The following ESRRG variants were observed in gnomAD, a reference collection of about 807,000 sequenced individuals.
ESRRG encodes estrogen related receptor gamma.
Under a neutral mutation model 44.0 loss-of-function variants are expected in ESRRG, and 13 were observed. The observed-to-expected ratio is 0.30, with a 90% CI of 0.19 to 0.47. The LOEUF (loss-of-function observed/expected upper bound fraction) is 0.47, where lower values mean the gene tolerates loss of function less well. Among genes scored for constraint, ESRRG ranks in the 20% least tolerant of loss-of-function variants. The pLI is 1.00. For missense variants in ESRRG, 395 were observed against 580.6 expected (o/e 0.68, Z 3.29); for synonymous variants, 215 against 214.6 (o/e 1.00, Z -0.02).
intron 2 of ESRRG, among the ~76,000 whole-genome samples, chr1:216,657,910 A>G (rs1190943787): frequency 6.6e-6 from 1 of 152,182 alleles, no homozygotes; most frequent in Non-Finnish European, 1.5e-5. Context: ...AATTCTGACA[A>G]TCATAAATGT....
chr1:216,855,945 A>T (rs188645009), intron 2 of ESRRG, among the ~76,000 whole-genome samples: 287 of 152,250 alleles, frequency 1.9e-3, no homozygotes, highest in African/African-American at 6.7e-3. Context: ...AATAATGATG[A>T]GGTGCTTCCT....
At chr1:216,904,081 AC>A (rs2059410069) in intron 2 of ESRRG, among the ~76,000 whole-genome samples, 1 of 152,130 alleles carries the variant, frequency 6.6e-6, no homozygotes, top group Non-Finnish European at 1.5e-5. Context: ...GGGTTGCTGT[AC>A]GTATTAAAGA....
At chr1:216,938,776 G>C (rs781694610) in intron 2 of ESRRG, among the ~76,000 whole-genome samples, 2 of 152,186 alleles carry the variant, frequency 1.3e-5, no homozygotes, top group Admixed American at 1.3e-4. Context: ...TCCTGCATTA[G>C]AGGAGGCAGT....
intron 1 of ESRRG, among the ~76,000 whole-genome samples, chr1:217,029,793 A>G (rs1031104729): frequency 6.6e-6 from 1 of 152,204 alleles, no homozygotes. Flanking sequence ...CAACTCCCTT[A>G]AGTGAAAAGA....
intron 2 of ESRRG, among the ~76,000 whole-genome samples, chr1:216,776,785 C>G (rs2093632112): frequency 6.6e-6 from 1 of 152,060 alleles, no homozygotes; most frequent in South Asian, 2.1e-4. Flanking sequence ...GTCCTGATCA[C>G]ATTAAAGAAG....
intron 2 of ESRRG, among the ~76,000 whole-genome samples, chr1:216,742,875 T>C (rs2090929330): frequency 6.9e-6 from 1 of 145,684 alleles, no homozygotes; most frequent in South Asian, 2.1e-4. Flanking sequence ...ACCCTCAAAC[T>C]TAAGAGTTTA....
Position 216,712,117 on chromosome 1 carries a change from G to A in ESRRG, c.56+11127C>T, listed in dbSNP as rs149145141. ...TATCAAAATGAGAGAACTTATCTAAGTTTATTTTAAGACTGGAACCTATTA... is the reference window on the plus strand; with the variant it reads ...TATCAAAATGAGAGAACTTATCTAAATTTATTTTAAGACTGGAACCTATTA... On this transcript the variant is annotated intron_variant, in intron 1 of 6. Coordinates refer to ENST00000408911, the MANE Select transcript of ESRRG (RefSeq NM_001438.4). Among the ~76,000 whole-genome samples the A allele has an allele frequency of 3.6e-3, 547 of 152,254 alleles. 2 individuals carry two copies. Among genetic ancestry groups the A allele is most frequent in the African/African-American group, 0.013 (529 of 41,542 alleles).
chr1:216,633,838 G>C (rs924116787), intron 3 of ESRRG, among the ~76,000 whole-genome samples: 1 of 152,192 alleles, frequency 6.6e-6, no homozygotes, highest in East Asian at 1.9e-4. Context: ...AAATTATTAA[G>C]AGATGGATAA....
intron 2 of ESRRG, among the ~76,000 whole-genome samples, chr1:216,779,869 T>C (rs2093861239): frequency 1.3e-5 from 2 of 151,766 alleles, no homozygotes; most frequent in South Asian, 4.1e-4. Flanking sequence ...CTCAGTACTT[T>C]CATCTGTTCA....
chr1:216,931,822 A>C (rs1364796680), intron 2 of ESRRG, among the ~76,000 whole-genome samples: 2 of 144,714 alleles, frequency 1.4e-5, no homozygotes, highest in Admixed American at 7.1e-5. Context: ...CAAGACAGAA[A>C]AATGAGAAAC....
At chr1:216,658,262 G>A (rs561442320) in intron 2 of ESRRG, among the ~76,000 whole-genome samples, 4 of 152,208 alleles carry the variant, frequency 2.6e-5, no homozygotes, top group South Asian at 2.1e-4. Context: ...GCTATAAAAT[G>A]AGGACAAATT....
chr1:217,007,823 A>G (rs1303818304), intron 1 of ESRRG, among the ~76,000 whole-genome samples: 1 of 151,888 alleles, frequency 6.6e-6, no homozygotes, highest in African/African-American at 2.4e-5. Context: ...TAGGTGCTAG[A>G]CAGTCAAAGG....
intron 3 of ESRRG, among the ~76,000 whole-genome samples, chr1:216,603,945 CAAA>C (rs144012100): frequency 4.4e-4 from 56 of 127,326 alleles, no homozygotes; most frequent in South Asian, 2.7e-3. Context: ...AACAAAAAAA[CAAA>C]AAAAAAAAAA....
At chr1:217,028,111 C>T (rs965539162) in intron 1 of ESRRG, among the ~76,000 whole-genome samples, 4 of 152,104 alleles carry the variant, frequency 2.6e-5, no homozygotes, top group Non-Finnish European at 5.9e-5. Flanking sequence ...CTATACACGC[C>T]CCCACCCCAT....
At chr1:216,551,496 T>C (rs927159603) in intron 5 of ESRRG, among the ~76,000 whole-genome samples, 3 of 152,156 alleles carry the variant, frequency 2.0e-5, no homozygotes, top group Admixed American at 6.6e-5. Context: ...TACGGTTAGA[T>C]TTAAATTAAA....
At chr1:216,598,230 C>T (rs1833040) in intron 3 of ESRRG, among the ~76,000 whole-genome samples, 90,391 of 151,910 alleles carry the variant, frequency 0.6, 27,276 homozygotes, top group African/African-American at 0.69. Flanking sequence ...TAGAGAAACA[C>T]ATAGACAGGT....
chr1:216,632,203 C>A lies in ESRRG; in HGVS notation c.589+18770G>T, dbSNP rs137866252. ...TAAAGATATTACCAAACATACATAA[C>A]CTTGTGTCTCCCTACCCTGACTTTA... On this transcript the variant is annotated intron_variant, in intron 3 of 6. Coordinates refer to ENST00000408911, the MANE Select transcript of ESRRG (RefSeq NM_001438.4). Among the ~76,000 whole-genome samples the A allele has an allele frequency of 8.3e-4, 126 of 152,266 alleles. 2 individuals carry two copies. Among genetic ancestry groups the A allele is most frequent in the African/African-American group, 2.8e-3 (116 of 41,558 alleles).
At chr1:216,923,510 G>T (rs2062097116) in intron 2 of ESRRG, among the ~76,000 whole-genome samples, 1 of 152,100 alleles carries the variant, frequency 6.6e-6, no homozygotes. Flanking sequence ...GAGAACCATG[G>T]TGCCTGTTAC....
chr1:216,708,209 C>T (rs1317201851), intron 1 of ESRRG, among the ~76,000 whole-genome samples: 1 of 151,038 alleles, frequency 6.6e-6, no homozygotes, highest in Non-Finnish European at 1.5e-5. Context: ...AAAAAAAAGC[C>T]ATTTAAAAAA....
Sources: allele counts gnomAD v4.1 joint callset (sites outside exome capture counted in the v4.1 genomes callset), GRCh38; gene constraint gnomAD v4.1.1; transcripts MANE v1.5; gene names NCBI Gene and HGNC (gene_info 2026-07-23, HGNC 2026-07-21).